FERMT2: variants seen among roughly 807,000 people sequenced by gnomAD.
FERMT2 encodes the protein fermitin family homolog 2.
Under a neutral mutation model 82.7 loss-of-function variants are expected in FERMT2, and 15 were observed. The observed-to-expected ratio is 0.18, with a 90% CI of 0.12 to 0.28. The LOEUF (loss-of-function observed/expected upper bound fraction) is 0.28. Among genes scored for constraint, FERMT2 ranks in the 10% least tolerant of loss-of-function variants. The pLI is 1.00. For synonymous variants in FERMT2, 274 were observed against 271.5 expected, an observed-to-expected ratio of 1.01 and a Z score of -0.09; for missense variants, 645 against 809.4, an observed-to-expected ratio of 0.80 and a Z score of 2.46.
intron 2 of FERMT2, among the ~76,000 whole-genome samples, chr14:52,948,776 C>A (rs1468642763): frequency 2.0e-5 from 3 of 152,152 alleles, no homozygotes; most frequent in Non-Finnish European, 2.9e-5. Context: ...CTTTCGAGAA[C>A]TACAAGTTGT....
chr14:52,889,546 T>A (rs1594952688), intron 4 of FERMT2, among the ~76,000 whole-genome samples: 1 of 152,256 alleles, frequency 6.6e-6, no homozygotes, highest in Admixed American at 6.5e-5. Context: ...AATGATGCAA[T>A]GACAAAGGTG....
chr14:52,935,233 A>G (rs72686400), intron 2 of FERMT2, among the ~76,000 whole-genome samples: 44,376 of 152,074 alleles, frequency 0.29, 6,734 homozygotes, highest in Admixed American at 0.35. Context: ...GTAAACTTCA[A>G]AGTTTACATA....
chr14:52,875,128 T>G, intron 8 of FERMT2, 95 bp downstream of exon 8: 1 of 1,067,802 alleles, frequency 9.4e-7, no homozygotes, highest in Non-Finnish European at 1.4e-6. Flanking sequence ...TAAATATTTC[T>G]CTCCACCACC....
intron 3 of FERMT2, among the ~76,000 whole-genome samples, 190 bp from the exon 4 acceptor site, chr14:52,893,617 T>C (rs776809565): frequency 2.0e-5 from 3 of 152,184 alleles, no homozygotes; most frequent in African/African-American, 4.8e-5. Flanking sequence ...TTCGTAACTA[T>C]ATAATAAATG....
chr14:52,873,220 T>C (rs186762665), intron 9 of FERMT2, among the ~76,000 whole-genome samples: 20 of 152,184 alleles, frequency 1.3e-4, no homozygotes, highest in African/African-American at 4.3e-4. Flanking sequence ...GCAGGTCACA[T>C]GGGAAGGGTA....
intron 3 of FERMT2, among the ~76,000 whole-genome samples, chr14:52,911,870 T>C (rs144424438): frequency 7.2e-5 from 11 of 152,318 alleles, no homozygotes; most frequent in African/African-American, 2.6e-4. Context: ...AGCTGTTTTC[T>C]TATTTACTTT....
chr14:52,892,456 G>GTTTTTTTTTT (rs11281193), intron 4 of FERMT2, among the ~76,000 whole-genome samples: 1 of 133,390 alleles, frequency 7.5e-6, no homozygotes, highest in Non-Finnish European at 1.6e-5. Context: ...GCTGTTTTTT[G>GTTTTTTTTTT]TTTTTTTTTT....
intron 4 of FERMT2, among the ~76,000 whole-genome samples, chr14:52,885,001 C>T (rs1400884921): frequency 6.7e-6 from 1 of 149,358 alleles, no homozygotes; most frequent in Non-Finnish European, 1.5e-5. Context: ...GACTGTGTTT[C>T]GAAAAATAAA....
chr14:52,939,192 TAAAAAAA>T (rs34395615), intron 2 of FERMT2, among the ~76,000 whole-genome samples: 1 of 86,040 alleles, frequency 1.2e-5, no homozygotes, highest in Non-Finnish European at 2.2e-5. Flanking sequence ...CCATCTCTAC[TAAAAAAA>T]AAAAAAAAAA....
At chr14:52,896,999 A>AACACAC (rs57945447) in intron 3 of FERMT2, among the ~76,000 whole-genome samples, 1,944 of 137,116 alleles carry the variant, frequency 0.014, 63 homozygotes, top group African/African-American at 0.052. Context: ...AAACAAATAA[A>AACACAC]ACACACACAC....
At chr14:52,925,321 G>A (rs1889192544) in intron 2 of FERMT2, among the ~76,000 whole-genome samples, 2 of 152,144 alleles carry the variant, frequency 1.3e-5, no homozygotes, top group Non-Finnish European at 2.9e-5. Context: ...GGAGGCCAAG[G>A]TGGGCAAATC....
chr14:52,935,352 T>G (rs971546102), intron 2 of FERMT2, among the ~76,000 whole-genome samples: 1 of 152,212 alleles, frequency 6.6e-6, no homozygotes, highest in Non-Finnish European at 1.5e-5. Context: ...TGTCAAATTA[T>G]GGGAAACTGC....
rs891359759 is a variant in FERMT2, at chr14:52,857,471, A to G, written c.*906T>C. The G allele has an allele frequency of 1.3e-5, 2 of 152,652 alleles. No individual in the cohort carries two copies. Among genetic ancestry groups the G allele is most frequent in the African/African-American group, 4.8e-5 (2 of 41,460 alleles). 9.5% of individuals were successfully genotyped at this position (152,652 alleles called of 1,614,324 possible). A position where few individuals can be genotyped will look rare whatever the true frequency, so the allele number is the denominator to read the frequency against. ...CATGGCCAGTCCAGGCATTAGAGTT[A>G]AGGACATTGTGGCAAATCATGATCA... On this transcript the variant is annotated 3_prime_UTR_variant, in exon 15 of 15. Transcript: ENST00000341590.
rs184299684 is a variant in FERMT2, at chr14:52,927,974, T to A, written c.158-8618A>T. On this transcript the variant is annotated intron_variant, in intron 2 of 14. Transcript: ENST00000341590. ...AATGTTGTCAGACTAAAGAGAAAAA[T>A]GAAGTAATTCTTTTTTAAAAAAAGA... 280 of 366,878 alleles carry A rather than the reference T, an allele frequency of 7.6e-4. 1 individual carries two copies. Among genetic ancestry groups the A allele is most frequent in the African/African-American group, 5.0e-3 (236 of 47,280 alleles). 22.7% of individuals were successfully genotyped at this position (366,878 alleles called of 1,614,324 possible).
chr14:52,874,242 A>AT lies in FERMT2; in HGVS notation c.1099-17dup, dbSNP rs1420872730. 6.5e-7 allele frequency: 1 copy of AT among 1,547,302 alleles called. No homozygotes were observed. The highest frequency in any genetic ancestry group is 8.7e-7 in the Non-Finnish European group (1 of 1,143,954). ...TAATGTCACCCTAGGAGAGAGTTAA[A>AT]TCCTTTTTTAATTTTTTTAATATTT... On this transcript the variant is annotated splice_polypyrimidine_tract_variant and intron_variant, in intron 8 of 14. Transcript: ENST00000341590.
At chr14:52,883,388 C>G (rs1037196585) in intron 4 of FERMT2, among the ~76,000 whole-genome samples, 1 of 152,156 alleles carries the variant, frequency 6.6e-6, no homozygotes, top group Non-Finnish European at 1.5e-5. Flanking sequence ...ATGTGCTGAA[C>G]ACATTACTCC....
At chr14:52,917,126 T>C (rs1163351592) in intron 3 of FERMT2, among the ~76,000 whole-genome samples, 1 of 152,210 alleles carries the variant, frequency 6.6e-6, no homozygotes, top group Non-Finnish European at 1.5e-5. Context: ...GAATTATGTA[T>C]ATATTTAAAA....
chr14:52,860,540 G>A, intron 12 of FERMT2, 75 bp from the exon 13 acceptor site: 1 of 1,387,210 alleles, frequency 7.2e-7, no homozygotes, highest in Non-Finnish European at 9.8e-7. Context: ...AAGATCAAAA[G>A]ATTGAATTAC....
chr14:52,944,459 T>G (rs752401979), intron 2 of FERMT2, among the ~76,000 whole-genome samples: 1 of 152,352 alleles, frequency 6.6e-6, no homozygotes, highest in South Asian at 2.1e-4. Flanking sequence ...CAGGGAGCAC[T>G]AAGCCAGGGT....
Sources: allele counts gnomAD v4.1 joint callset (sites outside exome capture counted in the v4.1 genomes callset), GRCh38; gene constraint gnomAD v4.1.1; transcripts MANE v1.5; gene names NCBI Gene and HGNC (gene_info 2026-07-23, HGNC 2026-07-21).